The following NR2C2 variants were observed in gnomAD, a reference collection of about 807,000 sequenced individuals.
The protein encoded by NR2C2 is Nuclear hormone receptor TR4.
Under a neutral mutation model 62.9 loss-of-function variants are expected in NR2C2, and 6 were observed. The observed-to-expected ratio is 0.10, with a 90% CI of 0.05 to 0.19. The LOEUF (loss-of-function observed/expected upper bound fraction) is 0.19, where lower values mean the gene tolerates loss of function less well. NR2C2 is among the 10% of genes least tolerant of loss of function. The probability of loss-of-function intolerance (pLI) is 1.00; values close to 1 mark genes in which losing one functional copy is unlikely to be tolerated. For synonymous variants in NR2C2, 272 were observed against 273.8 expected (o/e 0.99, Z 0.07); for missense variants, 479 against 762.7 (o/e 0.63, Z 4.38).
At chr3:15,035,765 G>A (rs894601222) in intron 11 of NR2C2, among the ~76,000 whole-genome samples, 1 of 152,142 alleles carries the variant, frequency 6.6e-6, no homozygotes. Context: ...AGTGGCTCAC[G>A]CCTATAATCC....
intron 1 of NR2C2, among the ~76,000 whole-genome samples, chr3:14,981,578 G>C (rs1357037223): frequency 6.7e-6 from 1 of 149,356 alleles, no homozygotes; most frequent in Non-Finnish European, 1.5e-5. Context: ...ACTCCATCCT[G>C]GGCGACAGAG....
rs891645719 is a variant in NR2C2, at chr3:15,048,534, TATTG to T, written c.*5533_*5536del. On this transcript the variant is annotated 3_prime_UTR_variant, in exon 14 of 14. Coordinates refer to ENST00000425241, the MANE Select transcript of NR2C2 (RefSeq NM_001291694.2). ...AAATAGAAAAAAAATGTTCAACATT[TATTG>T]ATTGATAGACTGTTAAAATTTAATG... is the stretch of plus-strand genomic sequence containing the variant. The T allele has an allele frequency of 7.4e-4, 113 of 152,768 alleles. No homozygotes were observed. Among genetic ancestry groups the T allele is most frequent in the African/African-American group, 2.6e-3 (109 of 41,576 alleles). 9.5% of individuals were successfully genotyped at this position (152,768 alleles called of 1,614,324 possible).
intron 1 of NR2C2, among the ~76,000 whole-genome samples, chr3:14,984,690 T>C (rs1559545828): frequency 6.6e-6 from 1 of 152,234 alleles, no homozygotes; most frequent in Non-Finnish European, 1.5e-5. Context: ...CATTCACCTG[T>C]TGATGGACAT....
rs199792577 is a variant in NR2C2 at position 15,039,104 on chromosome 3, G to A, written c.1511-18G>A. The A allele has an allele frequency of 4.5e-6, 7 of 1,572,740 alleles. No individual in the cohort carries two copies. The highest frequency in any genetic ancestry group is 5.2e-6 in the Non-Finnish European group (6 of 1,144,802). On this transcript the variant is annotated intron_variant, in intron 12 of 13. Coordinates refer to ENST00000425241, the MANE Select transcript of NR2C2 (RefSeq NM_001291694.2). ...CAAATACAGAGGGAACTGGGGGGGGGTACTTTTCTGTTTTCAGATCATCCA... is the reference window on the plus strand; with the variant it reads ...CAAATACAGAGGGAACTGGGGGGGGATACTTTTCTGTTTTCAGATCATCCA...
At chr3:14,980,738 G>A (rs1213476217) in intron 1 of NR2C2, among the ~76,000 whole-genome samples, 1 of 152,214 alleles carries the variant, frequency 6.6e-6, no homozygotes, top group Non-Finnish European at 1.5e-5. Flanking sequence ...TATGGCAGGG[G>A]TTGTGAAGAA....
chr3:14,985,951 T>C (rs1025571009), intron 1 of NR2C2, among the ~76,000 whole-genome samples: 2 of 152,102 alleles, frequency 1.3e-5, no homozygotes, highest in African/African-American at 2.4e-5. Context: ...TTCTTTTTTT[T>C]CCCAACAGTT....
intron 1 of NR2C2, among the ~76,000 whole-genome samples, chr3:14,967,638 T>C (rs1471174650): frequency 6.6e-6 from 1 of 152,218 alleles, no homozygotes; most frequent in Non-Finnish European, 1.5e-5. Context: ...GCTTGAATCA[T>C]GTCTAACACT....
chr3:15,023,121 T>C (rs2041724225), intron 5 of NR2C2, 79 bp from the exon 6 acceptor site: 1 of 1,507,176 alleles, frequency 6.6e-7, no homozygotes, highest in Non-Finnish European at 9.1e-7. Flanking sequence ...CCTGCAGTAA[T>C]GGATTTGGGG....
At chr3:15,008,536 A>C (rs1173042377) in intron 2 of NR2C2, among the ~76,000 whole-genome samples, 2 of 150,584 alleles carry the variant, frequency 1.3e-5, no homozygotes, top group African/African-American at 4.9e-5. Flanking sequence ...AAAAAAAAAA[A>C]CAAAAACTTT....
At chr3:15,032,609 T>C in intron 10 of NR2C2, 109 bp downstream of exon 10, 1 of 1,325,226 alleles carries the variant, frequency 7.5e-7, no homozygotes, top group Non-Finnish European at 1.1e-6. Context: ...TTCTATGACC[T>C]CATTCAAAGG....
In NR2C2 at chr3:14,947,733, TC is replaced by T. The variant is rs1262457775; in HGVS notation, c.-210del. The T allele has an allele frequency of 7.0e-6, 1 of 143,772 alleles. No homozygotes were observed. Among genetic ancestry groups the T allele is most frequent in the Non-Finnish European group, 1.5e-5 (1 of 65,678 alleles). The allele number at this position is 143,772 out of a possible 1,614,324, so 8.9% of individuals were successfully genotyped here. ...CCCGGGCCCGTCCCCGCCACCCCGC[TC>T]CCACCTCGGCGTCTCGTCTCTCGCC... On this transcript the variant is annotated 5_prime_UTR_variant, in exon 1 of 14. Coordinates refer to ENST00000425241, the MANE Select transcript of NR2C2 (RefSeq NM_001291694.2).
chr3:14,980,155 G>A (rs2040323816), intron 1 of NR2C2, among the ~76,000 whole-genome samples: 1 of 151,900 alleles, frequency 6.6e-6, no homozygotes, highest in Admixed American at 6.6e-5. Context: ...CGGCATTGGG[G>A]TTGGGGGTGT....
At position 14,947,668 on chromosome 3, in the gene NR2C2, C is replaced by G. The variant is rs2125178002; in HGVS notation, c.-278C>G. On this transcript the variant is annotated 5_prime_UTR_variant, in exon 1 of 14. Transcript: ENST00000425241. ...AACTCTGACCTTTCACTGACAAAAACAATAACAAACCCCCCCTTCTCCGCG... is the reference window on the plus strand; with the variant it reads ...AACTCTGACCTTTCACTGACAAAAAGAATAACAAACCCCCCCTTCTCCGCG... The G allele has an allele frequency of 6.6e-6, 1 of 150,536 alleles. No individual in the cohort carries two copies. Among genetic ancestry groups the G allele is most frequent in the Non-Finnish European group, 1.5e-5 (1 of 67,448 alleles). 9.3% of individuals were successfully genotyped at this position (150,536 alleles called of 1,614,324 possible).
intron 9 of NR2C2, 69 bp from the exon 10 acceptor site, chr3:15,032,310 C>T (rs988794135): frequency 4.2e-5 from 68 of 1,603,330 alleles, no homozygotes; most frequent in Non-Finnish European, 5.8e-5. Context: ...GACAGGGATA[C>T]ATGTTGACAG....
intron 1 of NR2C2, among the ~76,000 whole-genome samples, chr3:15,000,541 T>C (rs1351187744): frequency 2.0e-5 from 3 of 152,184 alleles, no homozygotes; most frequent in Non-Finnish European, 2.9e-5. Context: ...CCCAGAAGTG[T>C]GATTGCTGGA....
chr3:15,040,395 T>C (rs1244746894), intron 13 of NR2C2, among the ~76,000 whole-genome samples: 6 of 152,158 alleles, frequency 3.9e-5, no homozygotes, highest in Non-Finnish European at 8.8e-5. Flanking sequence ...AAAATAAACA[T>C]TGGAACAAAA....
intron 1 of NR2C2, among the ~76,000 whole-genome samples, chr3:14,978,045 A>G (rs1408768223): frequency 6.6e-6 from 1 of 152,146 alleles, no homozygotes; most frequent in East Asian, 1.9e-4. Flanking sequence ...GGGTGACACA[A>G]GAAATAAAAA....
chr3:15,029,709 C>A (rs145342703), intron 8 of NR2C2, among the ~76,000 whole-genome samples: 16 of 152,084 alleles, frequency 1.1e-4, no homozygotes, highest in African/African-American at 3.1e-4. Flanking sequence ...AATCCCAGCA[C>A]TTAGAGAAGC....
chr3:14,976,449 C>CT (rs1388356591), intron 1 of NR2C2, among the ~76,000 whole-genome samples: 1 of 151,998 alleles, frequency 6.6e-6, no homozygotes, highest in Non-Finnish European at 1.5e-5. Context: ...TTTTAGTTTC[C>CT]TTTTTTTCCT....
Sources: gnomAD v4.1 joint callset for allele counts (sites outside exome capture counted in the v4.1 genomes callset) on GRCh38, gnomAD v4.1.1 for gene constraint, MANE v1.5 for transcripts, NCBI Gene and HGNC (gene_info 2026-07-23, HGNC 2026-07-21) for gene names.